NBPF10: variants seen among roughly 807,000 people sequenced by gnomAD.
NBPF10 encodes NBPF member 10.
In NBPF10, 63 loss-of-function variants were observed where a neutral mutation model predicts 77.9. The ratio of observed to expected loss-of-function variants is 0.81; its 90% CI spans 0.66 to 1.00. The LOEUF is 1.00. NBPF10 is among the 50% of genes least tolerant of loss of function. The pLI, the probability that NBPF10 is intolerant of heterozygous loss-of-function variation, is 0.00. For synonymous variants in NBPF10, 146 were observed against 264.5 expected (o/e 0.55, Z 4.35); for missense variants, 522 against 679.8 (o/e 0.77, Z 2.58).
At chr1:146,081,064 G>C (rs1553781523) in intron 71 of NBPF10, among the ~76,000 whole-genome samples, 1 of 38,708 alleles carries the variant, frequency 2.6e-5, no homozygotes, top group African/African-American at 5.7e-5. Flanking sequence ...TCAGTGAATT[G>C]TCCAGGTGAC....
intron 11 of NBPF10, among the ~76,000 whole-genome samples, chr1:146,129,427 A>G (rs1372413994): frequency 7.0e-6 from 1 of 142,392 alleles, no homozygotes; most frequent in African/African-American, 2.8e-5. Context: ...AAATGAAGCA[A>G]GAAGAGAAGT....
chr1:146,140,698 G>A lies in NBPF10; in HGVS notation c.494-142C>T, dbSNP rs1553797048. ...TCTCATGTTTTATCTTTCACAAAAT[G>A]CCCTGGCATGGTTTCCTGCTCCATC... On this transcript the variant is annotated intron_variant, in intron 3 of 89. Transcript: ENST00000583866. The A allele has an allele frequency of 1.1e-5, 7 of 648,514 alleles. 1 individual carries two copies. Among genetic ancestry groups the A allele is most frequent in the Non-Finnish European group, 1.4e-5 (6 of 418,974 alleles). The allele number at this position is 648,514 out of a possible 1,614,324, so 40.2% of individuals were successfully genotyped here.
chr1:146,142,582 C>G (rs1553797842), intron 2 of NBPF10, 68 bp downstream of exon 2: 1 of 808,512 alleles, frequency 1.2e-6, no homozygotes, highest in Admixed American at 2.1e-5. Flanking sequence ...TACTTCTCCC[C>G]GCCGAGCTGC....
At chr1:146,139,092 CTTT>C (rs782186835) in intron 5 of NBPF10, among the ~76,000 whole-genome samples, 4 of 82,446 alleles carry the variant, frequency 4.9e-5, no homozygotes, top group Admixed American at 1.4e-4. Context: ...CAGAGACTTA[CTTT>C]TTTTTTTTTT....
At position 146,142,607 on chromosome 1, in the gene NBPF10, C is replaced by T. The variant is rs1553797857; in HGVS notation, c.278+43G>A. The stretch of plus-strand genomic sequence containing the variant: ...CGCCGAGCTGCTGTACTTCAGAGAT[C>T]TACACACCTACCCGCCTGCCTCCCC... On this transcript the variant is annotated intron_variant, in intron 2 of 89. Transcript: ENST00000583866. The T allele has an allele frequency of 1.1e-5, 12 of 1,082,048 alleles. 3 individuals carry two copies. Among genetic ancestry groups the T allele is most frequent in the African/African-American group, 5.8e-5 (4 of 69,312 alleles). The allele number at this position is 1,082,048 out of a possible 1,614,324, so 67.0% of individuals were successfully genotyped here.
At chr1:146,126,353 C>T (rs1553662490) in exon 14 of NBPF10, 7 of 1,377,138 alleles carry the variant, frequency 5.1e-6, no homozygotes, top group Admixed American at 5.0e-5. Flanking sequence ...TAACATCTAT[C>T]CTGTGAGTCC....
chr1:146,066,831 G>A (rs1553777671), intron 89 of NBPF10, among the ~76,000 whole-genome samples: 1 of 151,802 alleles, frequency 6.6e-6, no homozygotes, highest in African/African-American at 2.4e-5. Flanking sequence ...TGACATACTG[G>A]TAAGGGAGTC....
chr1:146,067,912 C>T (rs1397928154), intron 88 of NBPF10, 91 bp downstream of exon 88: 18 of 707,054 alleles, frequency 2.5e-5, no homozygotes, highest in East Asian at 5.4e-5. Flanking sequence ...AATGACGTCT[C>T]TCGGGTCAGC....
chr1:146,140,280 C>A (rs181978234), intron 4 of NBPF10, among the ~76,000 whole-genome samples: 1,876 of 127,128 alleles, frequency 0.015, 238 homozygotes, highest in African/African-American at 0.045. Flanking sequence ...ACTCAGCTAT[C>A]CCTGCATGGT....
At position 146,069,730 on chromosome 1, in the gene NBPF10, A is replaced by G. The variant is rs1309525832; in HGVS notation, c.10638-15T>C. 3.5e-5 allele frequency: 25 copies of G among 721,810 alleles called. No homozygotes were observed. The highest frequency in any genetic ancestry group is 5.2e-5 in the Non-Finnish European group (21 of 405,054). The allele number at this position is 721,810 out of a possible 1,614,324, so 44.7% of individuals were successfully genotyped here. A position where few individuals can be genotyped will look rare whatever the true frequency, so the allele number is the denominator to read the frequency against. ...CCCTGCTGAGCCTGGAAAAGTGGGA[A>G]AAAGTAAAGAATAAGCCAGGGGGAA... On this transcript the variant is annotated splice_polypyrimidine_tract_variant and intron_variant, in intron 85 of 89. Transcript: ENST00000583866.
intron 14 of NBPF10, among the ~76,000 whole-genome samples, chr1:146,125,873 G>T (rs1658547019): frequency 1.3e-5 from 2 of 151,236 alleles, no homozygotes; most frequent in East Asian, 1.9e-4. Flanking sequence ...TACTCAGATT[G>T]TTCATGGTAG....
chr1:146,125,107 C>T (rs1201402593), intron 15 of NBPF10, among the ~76,000 whole-genome samples: 1 of 47,682 alleles, frequency 2.1e-5, no homozygotes, highest in East Asian at 3.9e-4. Flanking sequence ...AGCGAGTTGG[C>T]CGGGTGACAC....
At chr1:146,139,430 C>G (rs1480900167) in intron 5 of NBPF10, among the ~76,000 whole-genome samples, 2 of 151,182 alleles carry the variant, frequency 1.3e-5, no homozygotes, top group Non-Finnish European at 1.5e-5. Flanking sequence ...ATAGCTAAGA[C>G]AAGCCAATGA....
intron 71 of NBPF10, among the ~76,000 whole-genome samples, chr1:146,081,044 G>A (rs1357534951): frequency 1.4e-4 from 9 of 63,530 alleles, no homozygotes; most frequent in African/African-American, 3.1e-4. Context: ...GAGAGAGAGA[G>A]AGAACGAGCT....
At chr1:146,129,944 G>C (rs1476324370) in intron 11 of NBPF10, among the ~76,000 whole-genome samples, 3 of 96,912 alleles carry the variant, frequency 3.1e-5, no homozygotes, top group African/African-American at 1.4e-4. Flanking sequence ...GGGTACATGT[G>C]CACAACGTGC....
chr1:146,126,317 G>A (rs782384592), exon 14 of NBPF10: 2 of 1,384,744 alleles, frequency 1.4e-6, no homozygotes, highest in South Asian at 1.2e-5. Context: ...GAGTCAGTCA[G>A]TTCAAGACAA....
Position 146,126,233 on chromosome 1 carries a change from C to T in NBPF10, c.2026+3G>A. On this transcript the variant is annotated splice_donor_region_variant and intron_variant, in intron 14 of 89. Coordinates refer to ENST00000583866, the Ensembl canonical transcript of NBPF10. ...CTTATCACCTTCATAGAAAGGTACTCACCATCCATGTCAATAGCCAAGCCA... is the reference window on the plus strand; with the variant it reads ...CTTATCACCTTCATAGAAAGGTACTTACCATCCATGTCAATAGCCAAGCCA... 2.5e-6 allele frequency: 4 copies of T among 1,598,574 alleles called. No individual in the cohort carries two copies. Among genetic ancestry groups the T allele is most frequent in the African/African-American group, 2.7e-5 (2 of 74,456 alleles).
Position 146,127,051 on chromosome 1 carries a change from C to T in NBPF10, c.1830G>A (p.Glu610=), listed in dbSNP as rs781804235. Residue 610 remains glutamate (E), a synonymous_variant, in exon 13 of 90, where the codon GAG becomes GAA. Transcript: ENST00000583866. ...ACCTGGGACCTGTTGCCTCTTGGTCCTCCTTTTTCACTTGATCCCACCGAT... is the reference window on the plus strand; with the variant it reads ...ACCTGGGACCTGTTGCCTCTTGGTCTTCCTTTTTCACTTGATCCCACCGAT... 14 of 498,496 alleles carry T rather than the reference C, an allele frequency of 2.8e-5. No homozygotes were observed. The East Asian group carries it at 3.8e-4, about 13-fold the overall frequency. 30.9% of individuals were successfully genotyped at this position (498,496 alleles called of 1,614,324 possible). A position where few individuals can be genotyped will look rare whatever the true frequency, so the allele number is the denominator to read the frequency against.
At chr1:146,141,939 A>G in intron 2 of NBPF10, 121 bp from the exon 3 acceptor site, 1 of 819,062 alleles carries the variant, frequency 1.2e-6, no homozygotes, top group Admixed American at 2.0e-5. Flanking sequence ...AGGTCAGCAC[A>G]TGTTGAAAGG....
Sources: allele counts gnomAD v4.1 joint callset (sites outside exome capture counted in the v4.1 genomes callset), GRCh38; gene constraint gnomAD v4.1.1; transcripts MANE v1.5; gene names NCBI Gene and HGNC (gene_info 2026-07-23, HGNC 2026-07-21).